Variants in POLB observed in about 807,000 individuals in gnomAD.
The protein encoded by POLB is DNA polymerase beta, also known as 5'-dRP lyase.
In POLB, 37 loss-of-function variants were observed where a neutral mutation model predicts 52.7. The ratio of observed to expected loss-of-function variants is 0.70; its 90% CI spans 0.54 to 0.92. POLB has a LOEUF of 0.92. POLB is among the 40% of genes least tolerant of loss of function. The pLI, the probability that POLB is intolerant of heterozygous loss-of-function variation, is 0.00. For synonymous variants in POLB, 138 were observed against 131.3 expected (o/e 1.05, Z -0.35); for missense variants, 313 against 400.8 (o/e 0.78, Z 1.87).
chr8:42,365,540 A>C (rs1331471336), intron 11 of POLB, among the ~76,000 whole-genome samples: 1 of 152,248 alleles, frequency 6.6e-6, no homozygotes, highest in Non-Finnish European at 1.5e-5. Flanking sequence ...GATGTTGTGC[A>C]CAGTAGAAAA....
intron 11 of POLB, among the ~76,000 whole-genome samples, chr8:42,363,527 C>CAAAAAAAAAA (rs1163249252): frequency 6.3e-5 from 1 of 15,822 alleles, no homozygotes; most frequent in African/African-American, 1.7e-4. Context: ...GACTCTGTCT[C>CAAAAAAAAAA]AAAAAAAAAA....
At chr8:42,364,002 C>T (rs927418538) in intron 11 of POLB, among the ~76,000 whole-genome samples, 1 of 149,804 alleles carries the variant, frequency 6.7e-6, no homozygotes, top group Admixed American at 6.6e-5. Flanking sequence ...TCTCGGCTCA[C>T]TGTAACCTCC....
At chr8:42,371,502 C>T (rs759315368) in intron 13 of POLB, 61 bp from the exon 14 acceptor site, 2 of 833,202 alleles carry the variant, frequency 2.4e-6, no homozygotes, top group Non-Finnish European at 1.9e-6. Flanking sequence ...TAATCTTGAA[C>T]CCTCTATAAC....
chr8:42,346,083 A>G (rs902589243), intron 3 of POLB, among the ~76,000 whole-genome samples: 1 of 151,694 alleles, frequency 6.6e-6, no homozygotes, highest in Non-Finnish European at 1.5e-5. Context: ...CACCATGCCC[A>G]GCTGATTTTT....
At chr8:42,344,083 A>G (rs1308167948) in intron 2 of POLB, among the ~76,000 whole-genome samples, 2 of 149,638 alleles carry the variant, frequency 1.3e-5, no homozygotes, top group Admixed American at 1.3e-4. Flanking sequence ...GTGAGCTGAG[A>G]TCACGCCACT....
intron 11 of POLB, among the ~76,000 whole-genome samples, chr8:42,363,345 G>T (rs767782589): frequency 6.6e-6 from 1 of 151,342 alleles, no homozygotes; most frequent in East Asian, 1.9e-4. Flanking sequence ...TGGCCAACAC[G>T]GTGAAACTCC....
intron 3 of POLB, among the ~76,000 whole-genome samples, chr8:42,348,701 A>G (rs967493308): frequency 6.6e-6 from 1 of 152,260 alleles, no homozygotes; most frequent in Admixed American, 6.5e-5. Flanking sequence ...GAAACAATCT[A>G]CATGTTTACC....
At chr8:42,367,889 G>A (rs1824140132) in intron 11 of POLB, among the ~76,000 whole-genome samples, 1 of 152,242 alleles carries the variant, frequency 6.6e-6, no homozygotes, top group African/African-American at 2.4e-5. Context: ...GTTTGGCCTT[G>A]GGTGATTTTC....
At chr8:42,362,827 G>C in intron 11 of POLB, 129 bp downstream of exon 11, 1 of 587,040 alleles carries the variant, frequency 1.7e-6, no homozygotes, top group Non-Finnish European at 3.1e-6. Context: ...AGACTTTAAA[G>C]AAAAATAATA....
At chr8:42,364,748 CAT>C (rs758799268) in intron 11 of POLB, among the ~76,000 whole-genome samples, 6 of 152,116 alleles carry the variant, frequency 3.9e-5, no homozygotes, top group Non-Finnish European at 7.4e-5. Flanking sequence ...ATTAAATTGT[CAT>C]GTCATTCAGA....
At chr8:42,369,684 G>A (rs1356788318) in intron 12 of POLB, 165 bp from the exon 13 acceptor site, 1 of 538,122 alleles carries the variant, frequency 1.9e-6, no homozygotes, top group Non-Finnish European at 3.3e-6. Context: ...AAATTACAAG[G>A]TTGGGGTGAT....
chr8:42,356,130 A>G (rs917525954), intron 7 of POLB, among the ~76,000 whole-genome samples: 3 of 152,224 alleles, frequency 2.0e-5, no homozygotes, highest in African/African-American at 7.2e-5. Flanking sequence ...TATAGTGCAT[A>G]AGCACTATAT....
At chr8:42,344,518 C>T (rs2130783696) in intron 2 of POLB, among the ~76,000 whole-genome samples, 1 of 151,176 alleles carries the variant, frequency 6.6e-6, no homozygotes, top group East Asian at 2.0e-4. Flanking sequence ...GTCAGCTCAT[C>T]TGATTTTTAA....
chr8:42,344,227 G>A (rs994273941), intron 2 of POLB, among the ~76,000 whole-genome samples: 2 of 151,382 alleles, frequency 1.3e-5, no homozygotes, highest in African/African-American at 4.9e-5. Context: ...AGCTTTCTTT[G>A]GGAGGCTGAG....
rs145685034 is a variant in POLB, at chr8:42,351,785, G to A, written c.321-734G>A. On this transcript the variant is annotated intron_variant, in intron 5 of 13. Coordinates refer to ENST00000265421, the MANE Select transcript of POLB (RefSeq NM_002690.3). ...CAGTGTCCTCTAATAGCTTTCCATT[G>A]CACTCAGAATAAAATCCAAACCTAT... Among the ~76,000 whole-genome samples the A allele has an allele frequency of 2.3e-3, 351 of 152,196 alleles. 1 individual carries two copies. The highest frequency in any genetic ancestry group is 3.7e-3 in the Non-Finnish European group (250 of 68,004).
chr8:42,363,527 CAAAAAAAAA>C lies in POLB; in HGVS notation c.708+850_708+858del, dbSNP rs1163249252. Among the ~76,000 whole-genome samples the C allele has an allele frequency of 7.3e-3, 115 of 15,830 alleles. 1 individual carries two copies. The highest frequency in any genetic ancestry group is 0.018 in the African/African-American group (108 of 5,988). 10.4% of individuals were successfully genotyped at this position (15,830 alleles called of 152,430 possible). A position where few individuals can be genotyped will look rare whatever the true frequency, so the allele number is the denominator to read the frequency against. Reference sequence around the variant, plus strand: ...TGGGTGACAGACCGAGACTCTGTCTCAAAAAAAAAAAAAAAAAAAAAAAAAAAAAGAATG... The same window carrying C: ...TGGGTGACAGACCGAGACTCTGTCTCAAAAAAAAAAAAAAAAAAAAGAATG... On this transcript the variant is annotated intron_variant, in intron 11 of 13. Coordinates refer to ENST00000265421, the MANE Select transcript of POLB (RefSeq NM_002690.3).
intron 13 of POLB, chr8:42,370,325 A>G: frequency 2.6e-6 from 1 of 385,196 alleles, no homozygotes; most frequent in Non-Finnish European, 4.9e-6. Context: ...GAAAAACTCA[A>G]GTATCATTGT....
chr8:42,349,956 A>T, intron 4 of POLB, 51 bp from the exon 5 acceptor site: 1 of 1,190,400 alleles, frequency 8.4e-7, no homozygotes, highest in Non-Finnish European at 1.3e-6. Context: ...AAGATCATTT[A>T]AGTCCTCAAA....
At chr8:42,366,397 G>A (rs1261514340) in intron 11 of POLB, among the ~76,000 whole-genome samples, 1 of 152,292 alleles carries the variant, frequency 6.6e-6, no homozygotes, top group East Asian at 1.9e-4. Context: ...GACTGGGTCT[G>A]TTTATTTGTT....
Sources: allele counts gnomAD v4.1 joint callset (sites outside exome capture counted in the v4.1 genomes callset), GRCh38; gene constraint gnomAD v4.1.1; transcripts MANE v1.5; gene names NCBI Gene and HGNC (gene_info 2026-07-23, HGNC 2026-07-21).